The following LRP6 variants were observed in gnomAD, a reference collection of about 807,000 sequenced individuals.
LRP6 encodes the protein low-density lipoprotein receptor-related protein 6.
In LRP6, 43 loss-of-function variants were observed where a neutral mutation model predicts 184.1. The observed-to-expected ratio is 0.23, with a 90% CI of 0.18 to 0.30. The LOEUF (loss-of-function observed/expected upper bound fraction) is 0.30. LRP6 is among the 10% of genes least tolerant of loss of function. LRP6 has a pLI of 1.00. For missense variants in LRP6, 1,571 were observed against 2,005.3 expected (o/e 0.78, Z 4.14); for synonymous variants, 719 against 684.9 (o/e 1.05, Z -0.78).
intron 2 of LRP6, among the ~76,000 whole-genome samples, chr12:12,235,287 A>G (rs1565691399): frequency 1.3e-5 from 2 of 152,224 alleles, no homozygotes; most frequent in Non-Finnish European, 2.9e-5. Context: ...GAAGACTACA[A>G]TGATAATTTT....
intron 2 of LRP6, among the ~76,000 whole-genome samples, chr12:12,204,301 A>G (rs181943532): frequency 0.04 from 5,462 of 135,506 alleles, 159 homozygotes; most frequent in Middle Eastern, 0.12. Flanking sequence ...AAAAAAAAGG[A>G]GGGGGGGGTC....
intron 5 of LRP6, among the ~76,000 whole-genome samples, chr12:12,181,787 C>T (rs1057472415): frequency 8.9e-4 from 136 of 152,174 alleles, no homozygotes; most frequent in African/African-American, 3.0e-3. Context: ...GGATATAGAT[C>T]CTTTGTTCAA....
chr12:12,194,912 G>A (rs972559201), intron 3 of LRP6, among the ~76,000 whole-genome samples: 1 of 151,846 alleles, frequency 6.6e-6, no homozygotes, highest in Non-Finnish European at 1.5e-5. Flanking sequence ...ACTTTTGCAA[G>A]ATCAACATTT....
intron 7 of LRP6, among the ~76,000 whole-genome samples, chr12:12,172,021 C>T (rs1274145994): frequency 6.6e-6 from 1 of 152,208 alleles, no homozygotes; most frequent in Non-Finnish European, 1.5e-5. Context: ...AACAAATGAA[C>T]CACTTTAGGC....
At chr12:12,135,109 G>T in intron 17 of LRP6, 66 bp downstream of exon 17, 2 of 1,609,868 alleles carry the variant, frequency 1.2e-6, no homozygotes, top group South Asian at 2.2e-5. Flanking sequence ...AGTCATAGAA[G>T]TCTAGGCTTA....
chr12:12,259,131 G>A (rs1247628860), intron 1 of LRP6, among the ~76,000 whole-genome samples: 1 of 152,006 alleles, frequency 6.6e-6, no homozygotes, highest in Non-Finnish European at 1.5e-5. Flanking sequence ...GCATGATAGT[G>A]GGCGCCTACT....
chr12:12,236,414 A>G (rs1238864399), intron 2 of LRP6, among the ~76,000 whole-genome samples: 3 of 152,192 alleles, frequency 2.0e-5, no homozygotes, highest in Non-Finnish European at 2.9e-5. Flanking sequence ...GTATCAGAAA[A>G]ACACATTTCC....
chr12:12,263,196 C>T (rs1195275247), intron 1 of LRP6, among the ~76,000 whole-genome samples: 3 of 149,252 alleles, frequency 2.0e-5, no homozygotes, highest in Admixed American at 1.3e-4. Flanking sequence ...ACCCGGGAGG[C>T]GGAGGTTGCA....
At chr12:12,213,472 T>C (rs370786879) in intron 2 of LRP6, among the ~76,000 whole-genome samples, 3 of 152,090 alleles carry the variant, frequency 2.0e-5, no homozygotes, top group East Asian at 3.8e-4. Flanking sequence ...TTAATATATC[T>C]GTTACAAATA....
intron 1 of LRP6, among the ~76,000 whole-genome samples, chr12:12,263,277 A>AAAGG (rs35297058): frequency 5.2e-4 from 3 of 5,806 alleles, no homozygotes; most frequent in African/African-American, 1.4e-3. Flanking sequence ...AAAAAAAAAA[A>AAAGG]AAGAATGTGT....
intron 3 of LRP6, among the ~76,000 whole-genome samples, chr12:12,202,457 C>G (rs551770705): frequency 1.3e-5 from 2 of 152,258 alleles, no homozygotes; most frequent in South Asian, 4.1e-4. Flanking sequence ...GCAGGAAGAT[C>G]GCTTGAGCCC....
At chr12:12,155,615 A>T in intron 12 of LRP6, 1 of 868,912 alleles carries the variant, frequency 1.2e-6, no homozygotes, top group South Asian at 1.4e-5. Context: ...TATCAGAAAA[A>T]GAAGGAAAAT....
At chr12:12,220,599 G>GTT (rs113682151) in intron 2 of LRP6, among the ~76,000 whole-genome samples, 8 of 130,084 alleles carry the variant, frequency 6.1e-5, no homozygotes, top group South Asian at 2.5e-4. Context: ...ATTTTTCTTA[G>GTT]TTTTTTTTTT....
rs142928914 is a variant in LRP6 at position 12,164,554 on chromosome 12, G to A, written c.1771C>T (p.Pro591Ser). ...TNVHRVIGSN[P>S]CAEENGGCSH... ...CATCCCCCGTTTTCCTCAGCACAGG[G>A]GTTGGAACCTAAAAGATTAATTATA... Residue 591 changes from proline (P) to serine (S), a missense_variant, in exon 9 of 23, where the codon CCC becomes TCC. Physicochemically the swap from Pro to Ser is moderately conservative, Grantham distance 74 (BLOSUM62 -1). This residue lies in a region of LRP6 where 640 missense variants were observed against 851.9 expected (regional missense o/e 0.75). Transcript: ENST00000261349. The A allele has an allele frequency of 1.2e-6, 2 of 1,613,902 alleles. No individual in the cohort carries two copies. Among genetic ancestry groups the A allele is most frequent in the Admixed American group, 1.7e-5 (1 of 59,980 alleles).
chr12:12,144,733 A>AC (rs1247305934), intron 15 of LRP6, among the ~76,000 whole-genome samples: 6 of 143,160 alleles, frequency 4.2e-5, no homozygotes, highest in African/African-American at 1.7e-4. Flanking sequence ...CTATGCAACC[A>AC]TAAAAAAGGA....
At chr12:12,233,998 G>C (rs986272742) in intron 2 of LRP6, among the ~76,000 whole-genome samples, 2 of 152,116 alleles carry the variant, frequency 1.3e-5, no homozygotes, top group Non-Finnish European at 2.9e-5. Context: ...CATTCAAAAT[G>C]TTAAGTTTTG....
chr12:12,254,814 G>C (rs1401726503), intron 1 of LRP6, among the ~76,000 whole-genome samples: 1 of 152,292 alleles, frequency 6.6e-6, no homozygotes, highest in East Asian at 1.9e-4. Context: ...AATTAAGCAA[G>C]ATCACTTCCC....
At chr12:12,194,908 G>A (rs1383209191) in intron 3 of LRP6, among the ~76,000 whole-genome samples, 1 of 151,872 alleles carries the variant, frequency 6.6e-6, no homozygotes, top group Middle Eastern at 3.4e-3. Flanking sequence ...CTTTACTTTT[G>A]CAAGATCAAC....
intron 3 of LRP6, among the ~76,000 whole-genome samples, chr12:12,200,115 A>T (rs1035890463): frequency 6.6e-6 from 1 of 152,116 alleles, no homozygotes; most frequent in South Asian, 2.1e-4. Flanking sequence ...CAAGAATTTC[A>T]GCATACTGTG....
Sources: allele counts gnomAD v4.1 joint callset (sites outside exome capture counted in the v4.1 genomes callset), GRCh38; gene constraint gnomAD v4.1.1; regional missense constraint gnomAD v4.1.1; transcripts MANE v1.5; gene names NCBI Gene and HGNC (gene_info 2026-07-23, HGNC 2026-07-21).